Variants in LIN7A observed in about 807,000 individuals in gnomAD.
The protein encoded by LIN7A is protein lin-7 homolog A.
In LIN7A, 25 loss-of-function variants were observed where a neutral mutation model predicts 29.8. The observed-to-expected ratio is 0.84, with a 90% CI of 0.61 to 1.17. The LOEUF (loss-of-function observed/expected upper bound fraction) is 1.17, where lower values mean the gene tolerates loss of function less well. Ranked by LOEUF, LIN7A falls within the 50% of genes most tolerant of loss-of-function variation. The pLI is 0.00. For synonymous variants in LIN7A, 118 were observed against 107.5 expected, an observed-to-expected ratio of 1.10 and a Z score of -0.60; for missense variants, 239 against 287.0, an observed-to-expected ratio of 0.83 and a Z score of 1.21.
intron 4 of LIN7A, among the ~76,000 whole-genome samples, chr12:80,830,258 A>T (rs993746834): frequency 2.6e-5 from 4 of 152,228 alleles, no homozygotes; most frequent in Admixed American, 2.6e-4. Flanking sequence ...CTACATGTTC[A>T]GGAACTGTGT....
At chr12:80,869,198 G>T (rs965489076) in intron 2 of LIN7A, among the ~76,000 whole-genome samples, 1 of 150,948 alleles carries the variant, frequency 6.6e-6, no homozygotes, top group African/African-American at 2.4e-5. Flanking sequence ...ATACATAAAA[G>T]GTTGTGTGGT....
At chr12:80,882,578 C>G (rs567311162) in intron 2 of LIN7A, among the ~76,000 whole-genome samples, 20 of 152,026 alleles carry the variant, frequency 1.3e-4, no homozygotes, top group Non-Finnish European at 2.5e-4. Context: ...GCCACCGCGC[C>G]CGGCCTTTTC....
intron 4 of LIN7A, among the ~76,000 whole-genome samples, chr12:80,822,326 G>A (rs1208314773): frequency 6.6e-6 from 1 of 152,210 alleles, no homozygotes; most frequent in Admixed American, 6.5e-5. Flanking sequence ...GGGAGGCTGA[G>A]GTGGGTGGAT....
At chr12:80,820,178 C>T (rs1475059596) in intron 4 of LIN7A, among the ~76,000 whole-genome samples, 1 of 152,116 alleles carries the variant, frequency 6.6e-6, no homozygotes, top group Admixed American at 6.5e-5. Context: ...AAGGAACGTG[C>T]AGGAGATTTA....
chr12:80,859,268 G>C (rs570505119), intron 2 of LIN7A, among the ~76,000 whole-genome samples: 30 of 152,256 alleles, frequency 2.0e-4, no homozygotes, highest in African/African-American at 5.8e-4. Context: ...AATGTAATTT[G>C]ATGATTGTAG....
intron 2 of LIN7A, among the ~76,000 whole-genome samples, chr12:80,863,266 A>T (rs1412267918): frequency 6.6e-6 from 1 of 152,242 alleles, no homozygotes; most frequent in Non-Finnish European, 1.5e-5. Context: ...ACAAATAATG[A>T]TTTAGTTCTC....
chr12:80,824,386 C>CA (rs556776097), intron 4 of LIN7A, among the ~76,000 whole-genome samples: 184 of 145,360 alleles, frequency 1.3e-3, no homozygotes, highest in South Asian at 1.8e-3. Context: ...ACATTGCCAA[C>CA]AAAAAAAAAA....
intron 4 of LIN7A, among the ~76,000 whole-genome samples, chr12:80,814,751 CA>C (rs1871453020): frequency 6.6e-6 from 1 of 152,288 alleles, no homozygotes; most frequent in South Asian, 2.1e-4. Context: ...AACAATGTAT[CA>C]AAAGCAGACT....
At chr12:80,886,139 T>C (rs1592924831) in intron 2 of LIN7A, among the ~76,000 whole-genome samples, 1 of 152,112 alleles carries the variant, frequency 6.6e-6, no homozygotes, top group East Asian at 1.9e-4. Flanking sequence ...AGCAAATATT[T>C]CTGAAAAACT....
chr12:80,804,130 G>T (rs544510952), intron 5 of LIN7A, among the ~76,000 whole-genome samples: 1 of 152,074 alleles, frequency 6.6e-6, no homozygotes, highest in African/African-American at 2.4e-5. Flanking sequence ...GGGTCCATGA[G>T]ATGTTTTGAT....
chr12:80,877,933 G>A (rs1456541165), intron 2 of LIN7A, among the ~76,000 whole-genome samples: 2 of 151,136 alleles, frequency 1.3e-5, no homozygotes, highest in Non-Finnish European at 2.9e-5. Context: ...CCAGTCCTGT[G>A]ATCTCAACAG....
intron 2 of LIN7A, among the ~76,000 whole-genome samples, chr12:80,851,701 G>A (rs1873343258): frequency 6.6e-6 from 1 of 152,028 alleles, no homozygotes; most frequent in Non-Finnish European, 1.5e-5. Context: ...CTTATACGTG[G>A]GGCTTATAGA....
At chr12:80,910,687 A>C (rs1876706016) in intron 1 of LIN7A, among the ~76,000 whole-genome samples, 1 of 152,188 alleles carries the variant, frequency 6.6e-6, no homozygotes, top group Non-Finnish European at 1.5e-5. Flanking sequence ...AATATGTTAA[A>C]CCATACTTAT....
Position 80,819,543 on chromosome 12 carries a change from A to G in LIN7A, c.484-7860T>C, listed in dbSNP as rs73137265. 5.7e-3 allele frequency among the ~76,000 whole-genome samples: 865 copies of G among 152,316 alleles called. 1 individual carries two copies. The highest frequency in any genetic ancestry group is 9.4e-3 in the Non-Finnish European group (642 of 68,024). ...TTATTTATGTGTGTGTCCAGCATTT[A>G]TTATGAACTCAATAAATAGTCAATG... is the stretch of plus-strand genomic sequence containing the variant. On this transcript the variant is annotated intron_variant, in intron 4 of 5. Transcript: ENST00000552864.
At chr12:80,851,989 A>C (rs577017947) in intron 2 of LIN7A, among the ~76,000 whole-genome samples, 6 of 152,300 alleles carry the variant, frequency 3.9e-5, no homozygotes, top group African/African-American at 1.4e-4. Flanking sequence ...TGGTTCAGAA[A>C]GTTCATTTAT....
At chr12:80,909,447 C>T (rs1024154516) in intron 1 of LIN7A, among the ~76,000 whole-genome samples, 16 of 152,056 alleles carry the variant, frequency 1.1e-4, no homozygotes, top group Admixed American at 8.5e-4. Flanking sequence ...TTGAAAATAC[C>T]ATAGGCTGGG....
chr12:80,929,914 TC>T (rs1042481084), intron 1 of LIN7A, among the ~76,000 whole-genome samples: 14 of 152,118 alleles, frequency 9.2e-5, no homozygotes, highest in African/African-American at 3.1e-4. Flanking sequence ...TCAACTATAT[TC>T]CCCAATTTTT....
intron 2 of LIN7A, among the ~76,000 whole-genome samples, chr12:80,863,629 T>C (rs766756879): frequency 5.3e-5 from 8 of 152,242 alleles, no homozygotes; most frequent in Non-Finnish European, 8.8e-5. Flanking sequence ...AATGACCTCA[T>C]TGGTAGTAAC....
intron 2 of LIN7A, among the ~76,000 whole-genome samples, chr12:80,871,237 C>A (rs1874413112): frequency 6.6e-6 from 1 of 152,034 alleles, no homozygotes; most frequent in Non-Finnish European, 1.5e-5. Flanking sequence ...TTTTAAAAGA[C>A]CAAGTCAAAT....
Sources: allele counts gnomAD v4.1 joint callset (sites outside exome capture counted in the v4.1 genomes callset), GRCh38; gene constraint gnomAD v4.1.1; transcripts MANE v1.5; gene names NCBI Gene and HGNC (gene_info 2026-07-23, HGNC 2026-07-21).